The following ABI1 variants were observed in gnomAD, a reference collection of about 807,000 sequenced individuals.
ABI1 encodes the protein abl interactor 1.
A neutral mutation model predicts 54.6 loss-of-function variants in ABI1; 14 were observed. The observed-to-expected ratio is 0.26, with a 90% CI of 0.17 to 0.40. The LOEUF (loss-of-function observed/expected upper bound fraction) is 0.40, where lower values mean the gene tolerates loss of function less well. Ranked by LOEUF, ABI1 falls within the 10% of genes least tolerant of loss-of-function variation. The probability of loss-of-function intolerance (pLI) is 1.00; values close to 1 mark genes in which losing one functional copy is unlikely to be tolerated. For missense variants in ABI1, 443 were observed against 598.3 expected, an observed-to-expected ratio of 0.74 and a Z score of 2.71; for synonymous variants, 194 against 209.3, an observed-to-expected ratio of 0.93 and a Z score of 0.63.
chr10:26,842,889 T>C (rs1189449269), intron 1 of ABI1, among the ~76,000 whole-genome samples: 1 of 151,330 alleles, frequency 6.6e-6, no homozygotes, highest in Non-Finnish European at 1.5e-5. Context: ...ACTAAAAATA[T>C]AAAAATTAGC....
At chr10:26,812,568 G>A (rs2047307660) in intron 2 of ABI1, among the ~76,000 whole-genome samples, 1 of 152,178 alleles carries the variant, frequency 6.6e-6, no homozygotes. Context: ...CAACATAAGA[G>A]GGCTATATTA....
intron 2 of ABI1, among the ~76,000 whole-genome samples, chr10:26,785,891 T>C (rs1842683543): frequency 1.3e-5 from 2 of 152,106 alleles, no homozygotes; most frequent in African/African-American, 4.8e-5. Flanking sequence ...ACTCGGCCCC[T>C]TTCACCTTCC....
intron 1 of ABI1, among the ~76,000 whole-genome samples, chr10:26,858,537 G>GAAA (rs60132421): frequency 1.1e-5 from 1 of 94,272 alleles, no homozygotes. Context: ...CACAAAAAAA[G>GAAA]AAAAAAAAAA....
intron 1 of ABI1, among the ~76,000 whole-genome samples, chr10:26,838,582 G>A (rs76469503): frequency 1.6e-3 from 246 of 152,178 alleles, no homozygotes; most frequent in Non-Finnish European, 1.5e-3. Context: ...AAGTCTAGTG[G>A]GGAAACACTA....
chr10:26,847,244 A>G (rs11015338), intron 1 of ABI1, among the ~76,000 whole-genome samples: 4,754 of 152,272 alleles, frequency 0.031, 116 homozygotes, highest in Middle Eastern at 0.078. Context: ...CAATTTTGCC[A>G]GTTTTCTTTG....
intron 2 of ABI1, among the ~76,000 whole-genome samples, chr10:26,821,981 C>T (rs2048014737): frequency 6.6e-6 from 1 of 152,044 alleles, no homozygotes; most frequent in African/African-American, 2.4e-5. Flanking sequence ...TCCTTTTCAC[C>T]AGGAACACTC....
At chr10:26,767,718 C>T (rs1327024627) in intron 6 of ABI1, among the ~76,000 whole-genome samples, 1 of 152,000 alleles carries the variant, frequency 6.6e-6, no homozygotes, top group Non-Finnish European at 1.5e-5. Flanking sequence ...TTTTTAAAAA[C>T]CCACCGGGTA....
At chr10:26,791,068 CAAAAAAA>C (rs369738380) in intron 2 of ABI1, among the ~76,000 whole-genome samples, 8 of 59,140 alleles carry the variant, frequency 1.4e-4, no homozygotes, top group African/African-American at 4.6e-4. Context: ...GATTCCGTCT[CAAAAAAA>C]AAAAAAAAAA....
At chr10:26,786,742 C>T (rs373329185) in intron 2 of ABI1, among the ~76,000 whole-genome samples, 355 of 152,278 alleles carry the variant, frequency 2.3e-3, no homozygotes, top group African/African-American at 8.3e-3. Context: ...TCTAAGGTCA[C>T]GTTACAGACA....
At chr10:26,810,705 T>C (rs967743761) in intron 2 of ABI1, among the ~76,000 whole-genome samples, 11 of 152,124 alleles carry the variant, frequency 7.2e-5, no homozygotes, top group African/African-American at 2.7e-4. Context: ...ATGTGGCTCA[T>C]GGATCACAGT....
chr10:26,751,063 T>G (rs1837561508), intron 10 of ABI1, among the ~76,000 whole-genome samples: 1 of 147,014 alleles, frequency 6.8e-6, no homozygotes. Context: ...GAAAATATTG[T>G]AAATTGAAAG....
intron 1 of ABI1, among the ~76,000 whole-genome samples, chr10:26,845,717 G>T (rs1248974220): frequency 6.6e-6 from 1 of 152,088 alleles, no homozygotes; most frequent in Non-Finnish European, 1.5e-5. Context: ...CATAGAGTAG[G>T]CAATTAACTA....
At chr10:26,800,388 A>G (rs2046470340) in intron 2 of ABI1, among the ~76,000 whole-genome samples, 1 of 152,170 alleles carries the variant, frequency 6.6e-6, no homozygotes, top group Admixed American at 6.5e-5. Context: ...GTGTCTCAAA[A>G]ACAAAAACAA....
At chr10:26,753,078 C>A (rs1837837393) in intron 9 of ABI1, among the ~76,000 whole-genome samples, 1 of 152,130 alleles carries the variant, frequency 6.6e-6, no homozygotes, top group Non-Finnish European at 1.5e-5. Context: ...GCTGAATATA[C>A]AACCAAGGGC....
At chr10:26,792,104 T>C (rs1163489086) in intron 2 of ABI1, among the ~76,000 whole-genome samples, 2 of 152,100 alleles carry the variant, frequency 1.3e-5, no homozygotes, top group Non-Finnish European at 2.9e-5. Context: ...TTTAAAAAAA[T>C]GTTTAGTGCA....
chr10:26,777,010 C>A, intron 3 of ABI1, 55 bp downstream of exon 3: 1 of 1,401,204 alleles, frequency 7.1e-7, no homozygotes, highest in South Asian at 1.5e-5. Context: ...ATTTCCTATC[C>A]AAAATATTTA....
At chr10:26,763,955 T>C (rs1839571244) in intron 7 of ABI1, 2 of 1,610,536 alleles carry the variant, frequency 1.2e-6, no homozygotes, top group East Asian at 2.2e-5. Flanking sequence ...GGGACAGAAA[T>C]GTTTTCTAAT....
At chr10:26,831,656 T>C (rs1313412491) in intron 1 of ABI1, among the ~76,000 whole-genome samples, 1 of 152,230 alleles carries the variant, frequency 6.6e-6, no homozygotes, top group Admixed American at 6.5e-5. Flanking sequence ...TATCCTTAAA[T>C]ACAGAACACA....
chr10:26,770,309 A>G lies in ABI1; in HGVS notation c.514T>C (p.Ser172Pro). ...TTCTGAGTAGGAGGATTTGTTCTCG[A>G]CAGTGTGCCAGTTCTTGCAGGCTGG... ...NNQPARTGTLSRTNPPTQKPP... is the reference protein window; with the variant it reads ...NNQPARTGTLPRTNPPTQKPP... The change falls in exon 5 of 11, where the codon TCG becomes CCG. Residue 172 changes from serine (S) to proline (P), a missense_variant. Ser to Pro is a moderately conservative substitution (Grantham distance 74). Coordinates refer to ENST00000376140, the MANE Select transcript of ABI1 (RefSeq NM_001012750.3). 6.2e-7 allele frequency: 1 copy of G among 1,614,076 alleles called. No homozygotes were observed. The highest frequency in any genetic ancestry group is 8.5e-7 in the Non-Finnish European group (1 of 1,179,908).
Sources: gnomAD v4.1 joint callset for allele counts (sites outside exome capture counted in the v4.1 genomes callset) on GRCh38, gnomAD v4.1.1 for gene constraint, MANE v1.5 for transcripts, NCBI Gene and HGNC (gene_info 2026-07-23, HGNC 2026-07-21) for gene names.